The following SPTBN1 variants were observed in gnomAD, a reference collection of about 807,000 sequenced individuals.
SPTBN1 encodes the protein spectrin beta chain, non-erythrocytic 1.
In SPTBN1, 32 loss-of-function variants were observed where a neutral mutation model predicts 266.4. The observed-to-expected ratio is 0.12, with a 90% confidence interval of 0.09 to 0.16. The LOEUF is 0.16. SPTBN1 is among the 10% of genes least tolerant of loss of function. The pLI is 1.00. For synonymous variants in SPTBN1, 1,336 were observed against 1,162.2 expected (o/e 1.15, Z -3.04); for missense variants, 2,296 against 3,067.1 (o/e 0.75, Z 5.94).
chr2:54,638,932 C>T (rs1157644593), intron 18 of SPTBN1, among the ~76,000 whole-genome samples: 1 of 152,218 alleles, frequency 6.6e-6, no homozygotes, highest in African/African-American at 2.4e-5. Context: ...CAATCCTTTG[C>T]ATCCGTTAAA....
chr2:54,506,267 C>G (rs1331357519), intron 1 of SPTBN1, among the ~76,000 whole-genome samples: 2 of 152,196 alleles, frequency 1.3e-5, no homozygotes, highest in Admixed American at 1.3e-4. Context: ...GAGGAAAGGG[C>G]TGACCAGGCC....
chr2:54,625,405 A>C (rs538819101), intron 11 of SPTBN1, among the ~76,000 whole-genome samples: 15 of 152,196 alleles, frequency 9.9e-5, no homozygotes, highest in African/African-American at 3.4e-4. Context: ...CTTCTGCAAA[A>C]TGAGCAGTTA....
In SPTBN1 at chr2:54,670,266, C is replaced by T. The variant is rs1681644378; in HGVS notation, c.*1697C>T. On this transcript the variant is annotated 3_prime_UTR_variant, in exon 36 of 36. Coordinates refer to ENST00000356805, the MANE Select transcript of SPTBN1 (RefSeq NM_003128.3). ...TGGCCCATGGGCCATAGTTTGCTGACTTCAGCATAGAGTCGTGGGTTATTT... is the reference window on the plus strand; with the variant it reads ...TGGCCCATGGGCCATAGTTTGCTGATTTCAGCATAGAGTCGTGGGTTATTT... 1.3e-5 allele frequency: 2 copies of T among 155,044 alleles called. No homozygotes were observed. The highest frequency in any genetic ancestry group is 2.4e-5 in the African/African-American group (1 of 41,376). The allele number at this position is 155,044 out of a possible 1,614,324, so 9.6% of individuals were successfully genotyped here. A position where few individuals can be genotyped will look rare whatever the true frequency, so the allele number is the denominator to read the frequency against.
rs1678505406 is a variant in SPTBN1, at chr2:54,628,535, A to T, written c.1798+285A>T. 6.6e-6 allele frequency among the ~76,000 whole-genome samples: 1 copy of T among 152,108 alleles called. No homozygotes were observed. Among genetic ancestry groups the T allele is most frequent in the East Asian group, 1.9e-4 (1 of 5,200 alleles). ...TCAGTCTCTCTGGCCATGCACCGAC[A>T]CCCTGGTGTGGCTGTTCCAGCAGCT... On this transcript the variant is annotated intron_variant, in intron 13 of 35. Transcript: ENST00000356805. The surrounding 1 kb of genome is among the most constrained non-coding windows in gnomAD (Gnocchi z 4.3).
At chr2:54,524,715 C>T (rs566847380) in intron 1 of SPTBN1, among the ~76,000 whole-genome samples, 36 of 152,318 alleles carry the variant, frequency 2.4e-4, no homozygotes, top group African/African-American at 7.5e-4. Context: ...CACTTGGGCT[C>T]GCCCACCTCC....
At chr2:54,570,642 ACT>A (rs1251660321) in intron 2 of SPTBN1, among the ~76,000 whole-genome samples, 4 of 151,966 alleles carry the variant, frequency 2.6e-5, no homozygotes, top group Non-Finnish European at 5.9e-5. Context: ...GTTGCCTGAA[ACT>A]CTCTACAAAC....
At chr2:54,580,149 C>T (rs1001993019) in intron 2 of SPTBN1, among the ~76,000 whole-genome samples, 4 of 152,356 alleles carry the variant, frequency 2.6e-5, no homozygotes, top group Admixed American at 1.3e-4. Flanking sequence ...TCCGGCCACA[C>T]GGAACCTGAG....
chr2:54,569,284 T>G (rs1481228237), intron 2 of SPTBN1, among the ~76,000 whole-genome samples: 1 of 152,154 alleles, frequency 6.6e-6, no homozygotes, highest in African/African-American at 2.4e-5. Flanking sequence ...GAGAGGGGAC[T>G]GGGGGTTGTT....
At chr2:54,507,900 G>GA (rs1558789476) in intron 1 of SPTBN1, among the ~76,000 whole-genome samples, 1 of 151,912 alleles carries the variant, frequency 6.6e-6, no homozygotes, top group African/African-American at 2.4e-5. Flanking sequence ...ATTAGAAACG[G>GA]CTAGGAGAGA....
intron 1 of SPTBN1, among the ~76,000 whole-genome samples, chr2:54,522,715 A>AG (rs1670555878): frequency 1.4e-5 from 2 of 138,950 alleles, no homozygotes; most frequent in Admixed American, 7.2e-5. Context: ...AAGAAAGGAA[A>AG]GAAAGAAAGA....
At position 54,647,244 on chromosome 2, in the gene SPTBN1, C is replaced by T. The variant is rs748639736; in HGVS notation, c.4980C>T (p.Ala1660=). The change falls in exon 24 of 36, where the codon GCC becomes GCT. Residue 1660 remains alanine, a synonymous_variant. Transcript: ENST00000356805. The stretch of plus-strand genomic sequence containing the variant: ...CCAAGACCAGCCGGGCCCTGGTGGC[C>T]GACAGCCATCCTGAAAGGTGAGCGC... ...QLSKTSRALV[A]DSHPESERIS... 1.4e-5 allele frequency: 23 copies of T among 1,613,724 alleles called. No individual in the cohort carries two copies. In the East Asian group the frequency reaches 2.2e-4, roughly 16 times the overall value.
intron 2 of SPTBN1, among the ~76,000 whole-genome samples, chr2:54,579,304 C>T (rs576380349): frequency 6.6e-6 from 1 of 152,094 alleles, no homozygotes; most frequent in African/African-American, 2.4e-5. Context: ...GAGAATGTCA[C>T]CCAGAGATCG....
intron 1 of SPTBN1, among the ~76,000 whole-genome samples, chr2:54,494,105 G>T (rs144228813): frequency 6.6e-6 from 1 of 152,184 alleles, no homozygotes; most frequent in East Asian, 1.9e-4. Context: ...TGTAGGAATT[G>T]GACAGCAGAC....
At chr2:54,544,379 A>G (rs1672114871) in intron 2 of SPTBN1, among the ~76,000 whole-genome samples, 1 of 152,206 alleles carries the variant, frequency 6.6e-6, no homozygotes, top group Admixed American at 6.5e-5. Context: ...CAATTACTCC[A>G]TATTAGCAAA....
chr2:54,661,118 T>G, intron 32 of SPTBN1: 1 of 985,446 alleles, frequency 1.0e-6, no homozygotes, highest in Non-Finnish European at 1.2e-6. Context: ...ATTAATCTTC[T>G]GATTCATTGT....
intron 1 of SPTBN1, among the ~76,000 whole-genome samples, chr2:54,475,339 C>T (rs11885527): frequency 0.031 from 4,691 of 152,316 alleles, 244 homozygotes; most frequent in African/African-American, 0.1. Context: ...CATAATACTT[C>T]CACATTCTTA....
At position 54,628,318 on chromosome 2, in the gene SPTBN1, G is replaced by A; in HGVS notation, c.1798+68G>A. On this transcript the variant is annotated intron_variant, in intron 13 of 35. Transcript: ENST00000356805. This position sits in a 1 kb window ranked among gnomAD's most constrained non-coding sequence, Gnocchi z 4.3. Reference sequence around the variant, plus strand: ...GATTCATATTTATAGAAACACAGTGGGGCTTTTGAAGTTACTGTGCCACTA... The same window carrying A: ...GATTCATATTTATAGAAACACAGTGAGGCTTTTGAAGTTACTGTGCCACTA... The A allele has an allele frequency of 2.0e-6, 3 of 1,492,982 alleles. No homozygotes were observed. Among genetic ancestry groups the A allele is most frequent in the Non-Finnish European group, 2.7e-6 (3 of 1,120,040 alleles). 92.5% of individuals were successfully genotyped at this position (1,492,982 alleles called of 1,614,324 possible). A position where few individuals can be genotyped will look rare whatever the true frequency, so the allele number is the denominator to read the frequency against.
intron 4 of SPTBN1, among the ~76,000 whole-genome samples, chr2:54,614,460 C>G (rs1400931565): frequency 6.6e-6 from 1 of 152,030 alleles, no homozygotes; most frequent in Non-Finnish European, 1.5e-5. Flanking sequence ...ATAGAAGTGT[C>G]CATTAAATAC....
Position 54,668,790 on chromosome 2 carries a change from T to C in SPTBN1, c.*221T>C. The C allele has an allele frequency of 2.1e-6, 1 of 467,898 alleles. No individual in the cohort carries two copies. The highest frequency in any genetic ancestry group is 3.7e-6 in the Non-Finnish European group (1 of 267,022). The allele number at this position is 467,898 out of a possible 1,614,324, so 29.0% of individuals were successfully genotyped here. Reference sequence around the variant, plus strand: ...TTGAGGTGCAGAGGGAAGGCCAGATTTTTTTTTTAATGAAATTATATAGAT... The same window carrying C: ...TTGAGGTGCAGAGGGAAGGCCAGATCTTTTTTTTAATGAAATTATATAGAT... On this transcript the variant is annotated 3_prime_UTR_variant, in exon 36 of 36. Transcript: ENST00000356805.
Sources: gnomAD v4.1 joint callset for allele counts (sites outside exome capture counted in the v4.1 genomes callset) on GRCh38, gnomAD v4.1.1 for gene constraint, Gnocchi (gnomAD v3.1) non-coding constraint, MANE v1.5 for transcripts, NCBI Gene and HGNC (gene_info 2026-07-23, HGNC 2026-07-21) for gene names.